The following IQANK1 variants were observed in gnomAD, a reference collection of about 807,000 sequenced individuals.
IQANK1 encodes the protein IQ motif and ankyrin repeat containing 1, also known as IQ motif and ankyrin repeat domain-containing protein 1.
IQANK1 carries 30 observed loss-of-function variants against 22.6 expected under a neutral mutation model. The observed-to-expected ratio is 1.33, with a 90% CI of 0.99 to 1.80. The LOEUF (loss-of-function observed/expected upper bound fraction) is 1.80. Among genes scored for constraint, IQANK1 ranks in the 40% most tolerant of loss-of-function variants. The pLI is 0.00. For synonymous variants in IQANK1, 122 were observed against 99.6 expected, an observed-to-expected ratio of 1.23 and a Z score of -1.34; for missense variants, 275 against 235.2, an observed-to-expected ratio of 1.17 and a Z score of -1.11.
intron 1 of IQANK1, among the ~76,000 whole-genome samples, 156 bp downstream of exon 1, chr8:143,734,375 AC>A (rs1554625313): frequency 7.0e-6 from 1 of 142,244 alleles, no homozygotes; most frequent in Non-Finnish European, 1.5e-5. Flanking sequence ...CCAGACCCCA[AC>A]CCCCACCACA....
intron 3 of IQANK1, among the ~76,000 whole-genome samples, chr8:143,747,112 C>G (rs1819048072): frequency 1.3e-5 from 2 of 152,346 alleles, no homozygotes; most frequent in South Asian, 4.1e-4. Flanking sequence ...ATCTCCTGAC[C>G]TCGTGATCCA....
At chr8:143,754,282 A>C (rs1418960347) in intron 3 of IQANK1, among the ~76,000 whole-genome samples, 2 of 152,120 alleles carry the variant, frequency 1.3e-5, no homozygotes, top group Non-Finnish European at 2.9e-5. Flanking sequence ...GTGGTTACAG[A>C]CTTCGTGACT....
At chr8:143,748,719 ATATAT>A (rs1459081085) in intron 3 of IQANK1, among the ~76,000 whole-genome samples, 5 of 109,480 alleles carry the variant, frequency 4.6e-5, no homozygotes, top group African/African-American at 8.4e-5. Context: ...AATATATATC[ATATAT>A]ATCATATATA....
chr8:143,786,209 ATTTTTCACTCT>A (rs1333711492), intron 7 of IQANK1, among the ~76,000 whole-genome samples: 7 of 152,112 alleles, frequency 4.6e-5, no homozygotes, highest in Admixed American at 3.9e-4. Context: ...CTAGAAAGGT[ATTTTTCACTCT>A]TTTTTCACTG....
rs1457106231 is a variant in IQANK1, at chr8:143,789,426, G to C, written c.994-10G>C. ...CAGCCTTGCCAGGGCCTGCCCGTACGCCCACCCAGCTGCAACAGGCCTACT... is the reference window on the plus strand; with the variant it reads ...CAGCCTTGCCAGGGCCTGCCCGTACCCCCACCCAGCTGCAACAGGCCTACT... On this transcript the variant is annotated splice_polypyrimidine_tract_variant and intron_variant, in intron 9 of 13. Transcript: ENST00000527139. 8.2e-7 allele frequency: 1 copy of C among 1,220,612 alleles called. No individual in the cohort carries two copies. The highest frequency in any genetic ancestry group is 1.0e-6 in the Non-Finnish European group (1 of 977,432). The allele number at this position is 1,220,612 out of a possible 1,614,324, so 75.6% of individuals were successfully genotyped here.
At position 143,738,911 on chromosome 8, in the gene IQANK1, C is replaced by T. The variant is rs558868870; in HGVS notation, c.86-948C>T. Among the ~76,000 whole-genome samples the T allele has an allele frequency of 2.6e-3, 394 of 152,282 alleles. 2 individuals are homozygous for T. The highest frequency in any genetic ancestry group is 8.6e-3 in the African/African-American group (358 of 41,538). On this transcript the variant is annotated intron_variant, in intron 2 of 13. Coordinates refer to ENST00000527139, the MANE Select transcript of IQANK1 (RefSeq NM_001381874.1). ...GCAGCTAGCACGCCCACAGGAGCCCCGCTGGGGTTTGGTGGAGACAAAGGA... is the reference window on the plus strand; with the variant it reads ...GCAGCTAGCACGCCCACAGGAGCCCTGCTGGGGTTTGGTGGAGACAAAGGA...
intron 7 of IQANK1, among the ~76,000 whole-genome samples, chr8:143,783,489 CCTT>C (rs1418617862): frequency 3.3e-5 from 5 of 152,168 alleles, no homozygotes; most frequent in Non-Finnish European, 4.4e-5. Context: ...AGATCAAACT[CCTT>C]ATCAATTACA....
intron 3 of IQANK1, among the ~76,000 whole-genome samples, chr8:143,767,420 A>G (rs1336078964): frequency 6.6e-6 from 1 of 152,142 alleles, no homozygotes; most frequent in African/African-American, 2.4e-5. Context: ...CTAGTATTTG[A>G]CAATTGTTTA....
Position 143,771,695 on chromosome 8 carries a change from G to T in IQANK1, c.306+77G>T, listed in dbSNP as rs893902196. On this transcript the variant is annotated intron_variant, in intron 4 of 13. Transcript: ENST00000527139. This position sits in a 1 kb window ranked among gnomAD's most constrained non-coding sequence, Gnocchi z 6.0. ...GAAATGGCGAAGCAGGGTGCGTGGT[G>T]GGGGTGAGGCTCAGATCGGGCTCCG... 5.0e-6 allele frequency: 2 copies of T among 398,084 alleles called. No homozygotes were observed. The highest frequency in any genetic ancestry group is 3.6e-5 in the East Asian group (1 of 28,000). 24.7% of individuals were successfully genotyped at this position (398,084 alleles called of 1,614,324 possible).
chr8:143,738,432 C>T (rs1332610680), intron 2 of IQANK1, among the ~76,000 whole-genome samples: 5 of 152,208 alleles, frequency 3.3e-5, no homozygotes, highest in African/African-American at 1.2e-4. Context: ...GACTCTGGCT[C>T]TGCCTATGGG....
Position 143,739,807 on chromosome 8 carries a change from A to G in IQANK1, c.86-52A>G, listed in dbSNP as rs112917639. 9.6e-3 allele frequency: 6,393 copies of G among 668,246 alleles called. 242 individuals carry two copies. Among genetic ancestry groups the G allele is most frequent in the African/African-American group, 0.091 (5,102 of 56,308 alleles). The allele number at this position is 668,246 out of a possible 1,614,324, so 41.4% of individuals were successfully genotyped here. A position where few individuals can be genotyped will look rare whatever the true frequency, so the allele number is the denominator to read the frequency against. The stretch of plus-strand genomic sequence containing the variant: ...GCCCCATAAGTGTCTCTTGAGGCTA[A>G]TGGGGATGGGGGTCTCTCATCCCAA... On this transcript the variant is annotated intron_variant, in intron 2 of 13. Coordinates refer to ENST00000527139, the MANE Select transcript of IQANK1 (RefSeq NM_001381874.1).
rs553178715 is a variant in IQANK1 at position 143,751,463 on chromosome 8, T to C, written c.175+11515T>C. On this transcript the variant is annotated intron_variant, in intron 3 of 13. Transcript: ENST00000527139. ...CCCGTCTCTACTAAAAATACAAAAA[T>C]TAGTCGGGTGTGGTGGCAGGTGCCT... Among the ~76,000 whole-genome samples, 3 of 151,448 alleles carry C rather than the reference T, an allele frequency of 2.0e-5. No homozygotes were observed. In the South Asian group the frequency reaches 6.3e-4, roughly 32 times the overall value.
At position 143,789,202 on chromosome 8, in the gene IQANK1, G is replaced by T. The variant is rs977813749; in HGVS notation, c.952G>T (p.Val318Phe). ...CCTGCTCCTTAGTATGACCCTCAAG[G>T]TCCAACAGCTGACCAGGGAGCAGCA... ...AERCGSMTLK[V>F]QQLTREQQQC... is the part of the protein sequence containing the mutation. Residue 318 changes from valine to phenylalanine, a missense_variant, in exon 9 of 14, where the codon GTC (valine) becomes TTC (phenylalanine). Val to Phe is a conservative substitution (Grantham distance 50). Transcript: ENST00000527139. 19 of 399,380 alleles carry T rather than the reference G, an allele frequency of 4.8e-5. No homozygotes were observed. The highest frequency in any genetic ancestry group is 3.1e-4 in the Admixed American group (7 of 22,714). The allele number at this position is 399,380 out of a possible 1,614,324, so 24.7% of individuals were successfully genotyped here.
chr8:143,788,321 T>C (rs1554631674), intron 7 of IQANK1, among the ~76,000 whole-genome samples: 1 of 152,150 alleles, frequency 6.6e-6, no homozygotes, highest in African/African-American at 2.4e-5. Context: ...TCACCCCTGC[T>C]CCACAGACAA....
intron 7 of IQANK1, among the ~76,000 whole-genome samples, chr8:143,776,107 G>A (rs1554630375): frequency 6.6e-6 from 1 of 151,484 alleles, no homozygotes; most frequent in African/African-American, 2.4e-5. Context: ...AGATTACGGG[G>A]TCAGGAGATC....
intron 7 of IQANK1, among the ~76,000 whole-genome samples, chr8:143,785,337 A>G (rs1173209296): frequency 7.0e-6 from 1 of 142,554 alleles, no homozygotes; most frequent in Non-Finnish European, 1.5e-5. Flanking sequence ...GCTCACTGCA[A>G]CCTCTGCCTC....
intron 3 of IQANK1, among the ~76,000 whole-genome samples, chr8:143,762,341 G>GGAAAA (rs111349466): frequency 0.053 from 8,021 of 151,134 alleles, 734 homozygotes; most frequent in African/African-American, 0.18. Context: ...AGGGAGGGAG[G>GGAAAA]GAAAAGAAAA....
In IQANK1 at chr8:143,789,425, C is replaced by T. The variant is rs1194188348; in HGVS notation, c.994-11C>T. The T allele has an allele frequency of 1.6e-5, 20 of 1,216,884 alleles. No individual in the cohort carries two copies. Among genetic ancestry groups the T allele is most frequent in the Middle Eastern group, 3.1e-4 (1 of 3,206 alleles). The allele number at this position is 1,216,884 out of a possible 1,614,324, so 75.4% of individuals were successfully genotyped here. A position where few individuals can be genotyped will look rare whatever the true frequency, so the allele number is the denominator to read the frequency against. On this transcript the variant is annotated splice_polypyrimidine_tract_variant and intron_variant, in intron 9 of 13. Coordinates refer to ENST00000527139, the MANE Select transcript of IQANK1 (RefSeq NM_001381874.1). ...CCAGCCTTGCCAGGGCCTGCCCGTA[C>T]GCCCACCCAGCTGCAACAGGCCTAC...
Position 143,789,070 on chromosome 8 carries a change from G to A in IQANK1, c.938+7G>A. On this transcript the variant is annotated splice_region_variant and intron_variant, in intron 8 of 13. Coordinates refer to ENST00000527139, the MANE Select transcript of IQANK1 (RefSeq NM_001381874.1). ...AGGCTGAGCGGTGTGGAAGGCAGGA[G>A]GGGTGTGGGAGGTGCTGGCGAGGGG... 2.5e-6 allele frequency: 1 copy of A among 401,364 alleles called. No individual in the cohort carries two copies. The highest frequency in any genetic ancestry group is 1.2e-4 in the South Asian group (1 of 8,270). The allele number at this position is 401,364 out of a possible 1,614,324, so 24.9% of individuals were successfully genotyped here. A position where few individuals can be genotyped will look rare whatever the true frequency, so the allele number is the denominator to read the frequency against.
Sources: allele counts gnomAD v4.1 joint callset (sites outside exome capture counted in the v4.1 genomes callset), GRCh38; gene constraint gnomAD v4.1.1; non-coding constraint Gnocchi (gnomAD v3.1); transcripts MANE v1.5; gene names NCBI Gene and HGNC (gene_info 2026-07-23, HGNC 2026-07-21).